The following PRKACA variants were observed in gnomAD, a reference collection of about 807,000 sequenced individuals.
PRKACA encodes the protein protein kinase cAMP-activated catalytic subunit alpha, also known as cAMP-dependent protein kinase catalytic subunit alpha.
In PRKACA, 9 loss-of-function variants were observed where a neutral mutation model predicts 45.8. The observed-to-expected ratio is 0.20, with a 90% CI of 0.12 to 0.34. The LOEUF is 0.34. Among genes scored for constraint, PRKACA ranks in the 10% least tolerant of loss-of-function variants. The pLI is 1.00. For synonymous variants in PRKACA, 160 were observed against 178.6 expected, an observed-to-expected ratio of 0.90 and a Z score of 0.83; for missense variants, 238 against 458.6, an observed-to-expected ratio of 0.52 and a Z score of 4.39.
rs1470088987 is a variant in PRKACA, at chr19:14,097,374, ATCT to A, written c.749_751del (p.Lys250del). ...TCCGGACCTCACCTTCCCAGAGACG[ATCT>A]TCTCATAGATCTGGATGGGCTGGTC... On this transcript the variant is annotated inframe_deletion, in exon 8 of 10. Coordinates refer to ENST00000308677, the MANE Select transcript of PRKACA (RefSeq NM_002730.4). The surrounding 1 kb of genome is among the most constrained non-coding windows in gnomAD (Gnocchi z 5.4). 1 of 1,614,074 alleles carries A rather than the reference ATCT, an allele frequency of 6.2e-7. No individual in the cohort carries two copies.
rs1967058629 is a variant in PRKACA at position 14,114,252 on chromosome 19, C to T, written c.46+3250G>A. 1.5e-5 allele frequency: 22 copies of T among 1,517,036 alleles called. No individual in the cohort carries two copies. The South Asian group carries it at 1.7e-4, about 11-fold the overall frequency. The allele number at this position is 1,517,036 out of a possible 1,614,324, so 94.0% of individuals were successfully genotyped here. On this transcript the variant is annotated intron_variant, in intron 1 of 9. Transcript: ENST00000308677. The stretch of plus-strand genomic sequence containing the variant: ...CGGCTGTCTGTCCCCAGAACCCTGC[C>T]TGCAGGGGGAGCTAGGGAGCCGTGG...
In PRKACA at chr19:14,092,805, A is replaced by C; in HGVS notation, c.*307T>G. The C allele has an allele frequency of 2.2e-6, 1 of 459,880 alleles. No homozygotes were observed. Among genetic ancestry groups the C allele is most frequent in the South Asian group, 5.4e-5 (1 of 18,520 alleles). The allele number at this position is 459,880 out of a possible 1,614,324, so 28.5% of individuals were successfully genotyped here. On this transcript the variant is annotated 3_prime_UTR_variant, in exon 10 of 10. Transcript: ENST00000308677. The stretch of plus-strand genomic sequence containing the variant: ...GCAAGACCTGGTCTGACTGGAGTTG[A>C]GAAACTCGTTTAAAACAGGCAGAAG...
At chr19:14,116,190 G>A (rs975650731) in intron 1 of PRKACA, among the ~76,000 whole-genome samples, 1 of 152,158 alleles carries the variant, frequency 6.6e-6, no homozygotes, top group East Asian at 1.9e-4. Context: ...AGTGGACAGG[G>A]GATCCCAGCT....
intron 5 of PRKACA, among the ~76,000 whole-genome samples, chr19:14,098,866 A>G (rs981067009): frequency 2.0e-5 from 3 of 152,128 alleles, no homozygotes; most frequent in African/African-American, 4.8e-5. Context: ...AGGTGATAGA[A>G]AAGTTCCATA....
chr19:14,117,490 C>A lies in PRKACA; in HGVS notation c.46+12G>T, dbSNP rs1967134476. The A allele has an allele frequency of 8.0e-7, 1 of 1,251,778 alleles. No individual in the cohort carries two copies. The highest frequency in any genetic ancestry group is 1.0e-6 in the Non-Finnish European group (1 of 993,476). 77.5% of individuals were successfully genotyped at this position (1,251,778 alleles called of 1,614,324 possible). On this transcript the variant is annotated intron_variant, in intron 1 of 9. Transcript: ENST00000308677. ...GCAGGGCCAAGATCGGGGTCACAGC[C>A]CGGGCACTCACCGCTCTCCTGCTCG... is the stretch of plus-strand genomic sequence containing the variant.
Position 14,093,203 on chromosome 19 carries a change from G to A in PRKACA, c.965C>T (p.Pro322Leu). ...GTCGTCAAAGTTACTCGTATCCCCA[G>A]GGCCTTTAAACTTTGGTATGAAGGG... The part of the protein sequence containing the change: ...EAPFIPKFKG[P>L]GDTSNFDDYE... The change falls in exon 10 of 10, where the codon CCT becomes CTT. Residue 322 changes from proline to leucine, a missense_variant. Pro to Leu is a moderately conservative substitution (Grantham distance 98). Coordinates refer to ENST00000308677, the MANE Select transcript of PRKACA (RefSeq NM_002730.4). 1 of 1,614,042 alleles carries A rather than the reference G, an allele frequency of 6.2e-7. No individual in the cohort carries two copies. The highest frequency in any genetic ancestry group is 8.5e-7 in the Non-Finnish European group (1 of 1,179,970).
chr19:14,098,814 GAAAA>G (rs78905737), intron 5 of PRKACA, among the ~76,000 whole-genome samples: 2 of 90,680 alleles, frequency 2.2e-5, no homozygotes, highest in African/African-American at 3.6e-5. Flanking sequence ...TATGTTATTG[GAAAA>G]AAAAAAAAAA....
intron 1 of PRKACA, among the ~76,000 whole-genome samples, chr19:14,112,802 A>G (rs1361370735): frequency 6.6e-6 from 1 of 152,152 alleles, no homozygotes; most frequent in East Asian, 1.9e-4. Context: ...TGGGCACTGG[A>G]CTGTGCAGAG....
chr19:14,111,687 A>G (rs1447990993), intron 1 of PRKACA, among the ~76,000 whole-genome samples: 1 of 152,086 alleles, frequency 6.6e-6, no homozygotes, highest in East Asian at 1.9e-4. Context: ...GGATTCCCCC[A>G]CCTTAGTCTC....
chr19:14,111,272 C>G (rs1966955490), intron 1 of PRKACA, among the ~76,000 whole-genome samples: 1 of 152,164 alleles, frequency 6.6e-6, no homozygotes, highest in African/African-American at 2.4e-5. Context: ...TGGCACATGC[C>G]TGTAATCCCA....
At chr19:14,113,350 A>C (rs1255033275) in intron 1 of PRKACA, among the ~76,000 whole-genome samples, 1 of 152,048 alleles carries the variant, frequency 6.6e-6, no homozygotes, top group Non-Finnish European at 1.5e-5. Context: ...GAGGATGGTA[A>C]CCCAGCCAGC....
At chr19:14,114,316 G>T in intron 1 of PRKACA, 1 of 889,750 alleles carries the variant, frequency 1.1e-6, no homozygotes, top group Admixed American at 2.2e-5. Flanking sequence ...AGAGGCCACT[G>T]GGTGTGGAGG....
rs748763072 is a variant in PRKACA, at chr19:14,102,872, G to A, written c.280C>T (p.Arg94Cys). The change falls in exon 4 of 10, where the codon CGC (arginine) becomes TGC (cysteine). Residue 94 changes from arginine to cysteine, a missense_variant. Coordinates refer to ENST00000308677, the MANE Select transcript of PRKACA (RefSeq NM_002730.4). ...KQIEHTLNEK[R>C]ILQAVNFPFL... The stretch of plus-strand genomic sequence containing the variant: ...GGAAAGTTGACAGCTTGCAGGATGC[G>A]CTTTTCATTCAGGGTGTGTTCGATC... 4.3e-6 allele frequency: 7 copies of A among 1,614,178 alleles called. No homozygotes were observed. In the South Asian group the frequency reaches 4.4e-5, roughly 10 times the overall value.
Position 14,094,785 on chromosome 19 carries a change from TCTCCTCTCTTTCTGCATAG to T in PRKACA, c.766-1012_766-994del, listed in dbSNP as rs1977195762. Among the ~76,000 whole-genome samples, 3 of 152,324 alleles carry T rather than the reference TCTCCTCTCTTTCTGCATAG, an allele frequency of 2.0e-5. No homozygotes were observed. In the East Asian group the frequency reaches 5.8e-4, roughly 29 times the overall value. On this transcript the variant is annotated intron_variant, in intron 8 of 9. Coordinates refer to ENST00000308677, the MANE Select transcript of PRKACA (RefSeq NM_002730.4). ...ATTCTTGCTTATGACAAACTTTTTC[TCTCCTCTCTTTCTGCATAG>T]CTAAGGCTCTTCCGTTCTTTAAAGC...
At chr19:14,107,072 G>C (rs1024789015) in intron 2 of PRKACA, among the ~76,000 whole-genome samples, 184 bp from the exon 3 acceptor site, 37 of 152,208 alleles carry the variant, frequency 2.4e-4, no homozygotes, top group African/African-American at 8.7e-4. Context: ...CGGGTGGCAG[G>C]GGCCAGATCC....
At chr19:14,111,031 G>A (rs1966949207) in intron 1 of PRKACA, among the ~76,000 whole-genome samples, 1 of 152,224 alleles carries the variant, frequency 6.6e-6, no homozygotes, top group Non-Finnish European at 1.5e-5. Context: ...GCCTTGTGGG[G>A]AGCCACCCCC....
intron 8 of PRKACA, among the ~76,000 whole-genome samples, chr19:14,096,088 G>T (rs1348559334): frequency 6.9e-6 from 1 of 145,502 alleles, no homozygotes; most frequent in East Asian, 2.0e-4. Flanking sequence ...GCCCAGGCTG[G>T]AGTACAATGG....
chr19:14,102,794 C>T, intron 4 of PRKACA, 22 bp downstream of exon 4: 1 of 1,601,948 alleles, frequency 6.2e-7, no homozygotes, highest in Non-Finnish European at 8.6e-7. Context: ...TGACCCCCCG[C>T]CCTTGGCCAC....
rs1001434887 is a variant in PRKACA at position 14,093,105 on chromosome 19, C to T, written c.*7G>A. The T allele has an allele frequency of 5.0e-6, 8 of 1,584,622 alleles. No homozygotes were observed. The highest frequency in any genetic ancestry group is 6.9e-6 in the Non-Finnish European group (8 of 1,166,264). On this transcript the variant is annotated 3_prime_UTR_variant, in exon 10 of 10. Transcript: ENST00000308677. ...AAAAGAAAACCCATGGGGGCACAGG[C>T]ATGCCCCTAAAACTCAGAAAACTCC...
Sources: allele counts gnomAD v4.1 joint callset (sites outside exome capture counted in the v4.1 genomes callset), GRCh38; gene constraint gnomAD v4.1.1; non-coding constraint Gnocchi (gnomAD v3.1); transcripts MANE v1.5; gene names NCBI Gene and HGNC (gene_info 2026-07-23, HGNC 2026-07-21).